USP47: variants seen among roughly 807,000 people sequenced by gnomAD.
USP47 encodes the protein ubiquitin specific peptidase 47, also known as ubiquitin carboxyl-terminal hydrolase 47.
USP47 carries 35 observed loss-of-function variants against 165.1 expected under a neutral mutation model. That is an observed-to-expected ratio of 0.21 (90% CI 0.16 to 0.28). The LOEUF (loss-of-function observed/expected upper bound fraction) is 0.28. Ranked by LOEUF, USP47 falls within the 10% of genes least tolerant of loss-of-function variation. USP47 has a pLI of 1.00. For missense variants in USP47, 1,277 were observed against 1,607.4 expected (o/e 0.79, Z 3.52); for synonymous variants, 531 against 544.5 (o/e 0.98, Z 0.35).
chr11:11,925,440 C>T (rs1236403628), intron 11 of USP47, among the ~76,000 whole-genome samples: 1 of 152,048 alleles, frequency 6.6e-6, no homozygotes, highest in African/African-American at 2.4e-5. Context: ...TATGAGTCTT[C>T]TGCCTCCTTG....
intron 8 of USP47, among the ~76,000 whole-genome samples, chr11:11,915,773 T>A (rs1441044706): frequency 6.6e-6 from 1 of 152,204 alleles, no homozygotes; most frequent in Admixed American, 6.5e-5. Context: ...GACAGTTGAA[T>A]ATATTTTTAA....
chr11:11,846,142 T>G (rs537486807), intron 1 of USP47, among the ~76,000 whole-genome samples: 2 of 152,280 alleles, frequency 1.3e-5, no homozygotes, highest in South Asian at 4.1e-4. Flanking sequence ...TTCACCCGTT[T>G]CATTCTGCCG....
chr11:11,906,680 A>G (rs1205776145), intron 8 of USP47, among the ~76,000 whole-genome samples: 1 of 152,104 alleles, frequency 6.6e-6, no homozygotes, highest in East Asian at 1.9e-4. Context: ...AGTTTTTTAG[A>G]TGTTTAGTAC....
intron 14 of USP47, 35 bp downstream of exon 14, chr11:11,930,786 T>C: frequency 1.3e-6 from 2 of 1,538,390 alleles, no homozygotes; most frequent in South Asian, 2.4e-5. Flanking sequence ...TTTTAATTTG[T>C]GTTATAAACT....
chr11:11,918,161 C>G (rs1853566251), intron 8 of USP47, among the ~76,000 whole-genome samples: 1 of 152,124 alleles, frequency 6.6e-6, no homozygotes, highest in African/African-American at 2.4e-5. Context: ...AAGGGCACAT[C>G]TTTGCTAATG....
chr11:11,857,761 C>T (rs900140918), intron 1 of USP47, among the ~76,000 whole-genome samples: 2 of 152,196 alleles, frequency 1.3e-5, no homozygotes, highest in African/African-American at 4.8e-5. Context: ...TTGAAAGTAC[C>T]TCTGGTTGGT....
intron 1 of USP47, among the ~76,000 whole-genome samples, chr11:11,844,723 GA>G (rs900953506): frequency 2.6e-5 from 4 of 151,816 alleles, no homozygotes; most frequent in East Asian, 1.9e-4. Context: ...ATAATCTAAA[GA>G]TTTTTTTTTT....
In USP47 at chr11:11,960,602, G is replaced by A. The variant is rs549378834; in HGVS notation, c.*4427G>A. Among the ~76,000 whole-genome samples, 64 of 152,242 alleles carry A rather than the reference G, an allele frequency of 4.2e-4. No individual in the cohort carries two copies. Among genetic ancestry groups the A allele is most frequent in the Non-Finnish European group, 4.0e-4 (27 of 68,028 alleles). ...AAATCTAACCTCTCCTCCCTCAACG[G>A]AGTGTCAGGGAGGGGAAGAATCTGT... On this transcript the variant is annotated 3_prime_UTR_variant, in exon 28 of 28. Coordinates refer to ENST00000527733, the MANE Select transcript of USP47 (RefSeq NM_001282659.2).
In USP47 at chr11:11,880,235, C is replaced by G; in HGVS notation, c.98C>G (p.Ser33Ter). ...VLCIIQDTTN[S>*]KTVNERITLN... is the part of the protein sequence containing the mutation. Reference sequence around the variant, plus strand: ...TGTATTATACAAGATACTACTAATTCAAAGACAGTGAATGAACGGATCACT... The same window carrying G: ...TGTATTATACAAGATACTACTAATTGAAAGACAGTGAATGAACGGATCACT... The change falls in exon 2 of 28, where the codon TCA becomes TGA. Residue 33 changes from serine (S) to a stop codon, truncating the protein, a stop_gained. Coordinates refer to ENST00000527733, the MANE Select transcript of USP47 (RefSeq NM_001282659.2). LOFTEE classifies it high-confidence loss of function. 1 of 1,464,164 alleles carries G rather than the reference C, an allele frequency of 6.8e-7. No individual in the cohort carries two copies. Among genetic ancestry groups the G allele is most frequent in the Non-Finnish European group, 8.9e-7 (1 of 1,119,532 alleles). 90.7% of individuals were successfully genotyped at this position (1,464,164 alleles called of 1,614,324 possible).
At chr11:11,864,611 A>G (rs7939684) in intron 1 of USP47, among the ~76,000 whole-genome samples, 42,206 of 151,100 alleles carry the variant, frequency 0.28, 6,817 homozygotes, top group East Asian at 0.52. Context: ...GATATCTCAT[A>G]TAGTATTTGT....
At chr11:11,874,896 T>C (rs1273823529) in intron 1 of USP47, among the ~76,000 whole-genome samples, 1 of 152,108 alleles carries the variant, frequency 6.6e-6, no homozygotes, top group Non-Finnish European at 1.5e-5. Context: ...ACAAAAATAT[T>C]CATACTATCA....
intron 15 of USP47, 71 bp downstream of exon 15, chr11:11,933,187 C>G (rs374291809): frequency 5.1e-6 from 6 of 1,187,680 alleles, no homozygotes; most frequent in East Asian, 4.9e-5. Flanking sequence ...ATTCTAATGA[C>G]TAACTCATTG....
At chr11:11,845,096 C>A (rs1044951552) in intron 1 of USP47, among the ~76,000 whole-genome samples, 6 of 152,160 alleles carry the variant, frequency 3.9e-5, no homozygotes, top group Non-Finnish European at 7.3e-5. Context: ...CTTGAAACAG[C>A]TATGCCATTT....
chr11:11,906,030 C>T (rs2134471584), intron 8 of USP47, among the ~76,000 whole-genome samples: 1 of 152,140 alleles, frequency 6.6e-6, no homozygotes, highest in South Asian at 2.1e-4. Context: ...AAAAAATATA[C>T]ATTGTAGTAG....
chr11:11,892,774 C>T (rs1200382474), intron 4 of USP47, among the ~76,000 whole-genome samples: 1 of 145,654 alleles, frequency 6.9e-6, no homozygotes, highest in Non-Finnish European at 1.5e-5. Context: ...CATGGTGGTG[C>T]CACTATACTC....
intron 3 of USP47, among the ~76,000 whole-genome samples, chr11:11,890,609 T>C (rs892592425): frequency 1.3e-5 from 2 of 152,168 alleles, no homozygotes; most frequent in South Asian, 2.1e-4. Flanking sequence ...TGGTCATTCC[T>C]CAAAGACTTA....
Position 11,888,482 on chromosome 11 carries a change from C to T in USP47, c.358-3486C>T, listed in dbSNP as rs1228335929. Reference sequence around the variant, plus strand: ...ATGGATAAATTCCTGGACACATACACCGTTCCAAGACTGAACTAGGAAGAA... The same window carrying T: ...ATGGATAAATTCCTGGACACATACATCGTTCCAAGACTGAACTAGGAAGAA... On this transcript the variant is annotated intron_variant, in intron 3 of 27. Transcript: ENST00000527733. Among the ~76,000 whole-genome samples, 3 of 152,050 alleles carry T rather than the reference C, an allele frequency of 2.0e-5. No individual in the cohort carries two copies. The East Asian group carries it at 5.8e-4, about 29-fold the overall frequency.
intron 25 of USP47, 103 bp from the exon 26 acceptor site, chr11:11,954,792 CAT>C: frequency 7.7e-7 from 1 of 1,301,652 alleles, no homozygotes; most frequent in Non-Finnish European, 1.0e-6. Flanking sequence ...TTACATGAAA[CAT>C]TTTTTAAACT....
chr11:11,913,122 C>T (rs938367948), intron 8 of USP47, among the ~76,000 whole-genome samples: 2 of 152,002 alleles, frequency 1.3e-5, no homozygotes, highest in African/African-American at 2.4e-5. Context: ...TCCTACCACT[C>T]CTTTTCAGCA....
Sources: gnomAD v4.1 joint callset for allele counts (sites outside exome capture counted in the v4.1 genomes callset) on GRCh38, gnomAD v4.1.1 for gene constraint, MANE v1.5 for transcripts, NCBI Gene and HGNC (gene_info 2026-07-23, HGNC 2026-07-21) for gene names.